Variants in BLTP3B observed in about 807,000 individuals in gnomAD.
BLTP3B encodes the protein UHRF1 (ICBP90) binding protein 1-like.
chr12:100,058,646 A>G, the BLTP3B span: 1 of 1,614,072 alleles, frequency 6.2e-7, no homozygotes, highest in Non-Finnish European at 8.5e-7. Context: ...TATTTGCTTG[A>G]TCCACTGGAT....
At chr12:100,078,449 C>A in the BLTP3B span, among the ~76,000 whole-genome samples, 2 of 152,080 alleles carry the variant, frequency 1.3e-5, no homozygotes, top group Non-Finnish European at 2.9e-5. Context: ...TACAACAACA[C>A]AAGAACAGCC....
the BLTP3B span, among the ~76,000 whole-genome samples, chr12:100,098,814 G>A: frequency 2.0e-5 from 3 of 151,754 alleles, no homozygotes; most frequent in African/African-American, 7.3e-5. Context: ...GAGGCTGAGG[G>A]ACGAGAATCA....
chr12:100,064,426 A>C, the BLTP3B span, among the ~76,000 whole-genome samples: 2 of 152,182 alleles, frequency 1.3e-5, no homozygotes, highest in East Asian at 1.9e-4. Context: ...CAAACACAAG[A>C]AGCACAAAGA....
the BLTP3B span, among the ~76,000 whole-genome samples, chr12:100,055,625 C>T: frequency 4.0e-4 from 58 of 146,026 alleles, no homozygotes; most frequent in African/African-American, 1.3e-3. Flanking sequence ...TGCAGTGAGC[C>T]GAGATCATGT....
chr12:100,060,643 T>C, the BLTP3B span, among the ~76,000 whole-genome samples: 2 of 152,268 alleles, frequency 1.3e-5, no homozygotes, highest in South Asian at 2.1e-4. Context: ...AAACCAAGTA[T>C]CTCCTGAATA....
At chr12:100,040,545 A>T in the BLTP3B span, among the ~76,000 whole-genome samples, 1 of 152,090 alleles carries the variant, frequency 6.6e-6, no homozygotes, top group Non-Finnish European at 1.5e-5. Context: ...ACCAGGCATG[A>T]TGGTGCACAC....
chr12:100,114,830 A>G, the BLTP3B span, among the ~76,000 whole-genome samples: 1 of 152,204 alleles, frequency 6.6e-6, no homozygotes, highest in African/African-American at 2.4e-5. Flanking sequence ...GAAACAGATC[A>G]AGGCTTTTCT....
At chr12:100,123,923 T>A in the BLTP3B span, among the ~76,000 whole-genome samples, 2 of 152,138 alleles carry the variant, frequency 1.3e-5, no homozygotes, top group Non-Finnish European at 2.9e-5. Context: ...TGCCCACAGA[T>A]ACTATTTGGC....
chr12:100,098,627 G>A, the BLTP3B span: 4 of 1,403,942 alleles, frequency 2.8e-6, no homozygotes, highest in South Asian at 5.7e-5. Context: ...TCTGGTTGGG[G>A]ATGGTGGCTC....
the BLTP3B span, among the ~76,000 whole-genome samples, chr12:100,140,721 AAAAAAAAAATATATATATATAT>A: frequency 2.3e-3 from 248 of 108,300 alleles, 4 homozygotes; most frequent in Middle Eastern, 0.01. Context: ...AAAAAAAAAA[AAAAAAAAAATATATATATATAT>A]ATATATATAT....
chr12:100,060,846 G>C, the BLTP3B span, among the ~76,000 whole-genome samples: 2 of 152,140 alleles, frequency 1.3e-5, no homozygotes, highest in Admixed American at 6.5e-5. Flanking sequence ...TGCATATCTA[G>C]AGCATTTAGA....
the BLTP3B span, among the ~76,000 whole-genome samples, chr12:100,056,782 A>T: frequency 1.3e-5 from 2 of 151,916 alleles, no homozygotes; most frequent in Non-Finnish European, 2.9e-5. Flanking sequence ...GGTTTCAGTA[A>T]GCTGAGATCA....
chr12:100,101,563 T>C, the BLTP3B span, among the ~76,000 whole-genome samples: 1 of 152,324 alleles, frequency 6.6e-6, no homozygotes, highest in African/African-American at 2.4e-5. Context: ...AGAAATCCTG[T>C]TGTAGAAAAA....
chr12:100,114,935 G>A, the BLTP3B span, among the ~76,000 whole-genome samples: 4 of 152,038 alleles, frequency 2.6e-5, no homozygotes, highest in Admixed American at 2.6e-4. Context: ...ATTATTTGAG[G>A]TACTTGATTA....
the BLTP3B span, chr12:100,097,622 G>A: frequency 8.8e-7 from 1 of 1,137,216 alleles, no homozygotes; most frequent in Non-Finnish European, 1.2e-6. Context: ...TGACATTTTA[G>A]ATATATTCAC....
chr12:100,057,591 C>T, the BLTP3B span: 1 of 1,608,754 alleles, frequency 6.2e-7, no homozygotes, highest in South Asian at 1.1e-5. Context: ...AAACATATGG[C>T]TATCACTTCC....
the BLTP3B span, among the ~76,000 whole-genome samples, chr12:100,091,433 C>A: frequency 6.6e-6 from 1 of 151,478 alleles, no homozygotes; most frequent in Non-Finnish European, 1.5e-5. Context: ...TGGGATCTGC[C>A]CGCCTTGGCC....
At chr12:100,043,198 T>G in the BLTP3B span, among the ~76,000 whole-genome samples, 6 of 152,246 alleles carry the variant, frequency 3.9e-5, no homozygotes, top group Non-Finnish European at 8.8e-5. Flanking sequence ...AAAATTTTTA[T>G]GACTTGCTTT....
chr12:100,141,058 G>A, the BLTP3B span, among the ~76,000 whole-genome samples: 1 of 152,078 alleles, frequency 6.6e-6, no homozygotes, highest in South Asian at 2.1e-4. Flanking sequence ...GTATTTTCTT[G>A]TGGAGCTGGG....
Sources: gnomAD v4.1 joint callset for allele counts (sites outside exome capture counted in the v4.1 genomes callset) on GRCh38, gnomAD v4.1.1 for gene constraint, MANE v1.5 for transcripts, NCBI Gene and HGNC (gene_info 2026-07-23, HGNC 2026-07-21) for gene names.